Variants in LARP1B observed in about 807,000 individuals in gnomAD.
LARP1B encodes the protein la-related protein 1B.
A neutral mutation model predicts 114.2 loss-of-function variants in LARP1B; 76 were observed. The observed-to-expected ratio is 0.67, with a 90% CI of 0.55 to 0.81. The LOEUF (loss-of-function observed/expected upper bound fraction) is 0.81. Ranked by LOEUF, LARP1B falls within the 30% of genes least tolerant of loss-of-function variation. LARP1B has a pLI of 0.00. For synonymous variants in LARP1B, 345 were observed against 348.0 expected, an observed-to-expected ratio of 0.99 and a Z score of 0.10; for missense variants, 1,014 against 1,075.8, an observed-to-expected ratio of 0.94 and a Z score of 0.80.
chr4:128,084,673 T>A (rs1165898615), intron 5 of LARP1B, among the ~76,000 whole-genome samples: 2 of 152,074 alleles, frequency 1.3e-5, no homozygotes, highest in Non-Finnish European at 2.9e-5. Flanking sequence ...GAATTTATTC[T>A]ATCATTTTCT....
chr4:128,062,305 G>A (rs960668266), intron 1 of LARP1B: 13 of 983,272 alleles, frequency 1.3e-5, no homozygotes, highest in East Asian at 1.1e-4. Flanking sequence ...GCGGTAGCGG[G>A]CACCAGGCCC....
Position 128,082,249 on chromosome 4 carries a change from G to A in LARP1B, c.302G>A (p.Arg101Lys), listed in dbSNP as rs774744346. ...AGACCTGGATCCCGGAACAGCTCAA[G>A]ATGTCAACCTGAAGCAAATAAACCA... The part of the protein sequence containing the change: ...QERPGSRNSS[R>K]CQPEANKPTH... The change falls in exon 5 of 20, where the codon AGA (arginine) becomes AAA (lysine). Residue 101 changes from arginine to lysine, a missense_variant. Transcript: ENST00000326639. The A allele has an allele frequency of 1.9e-6, 3 of 1,613,770 alleles. No homozygotes were observed. The South Asian group carries it at 3.3e-5, about 18-fold the overall frequency.
At chr4:128,083,510 A>T (rs1221960117) in intron 5 of LARP1B, among the ~76,000 whole-genome samples, 1 of 145,360 alleles carries the variant, frequency 6.9e-6, no homozygotes, top group Non-Finnish European at 1.5e-5. Context: ...CTCACTTCCC[A>T]GTAGGGGCGG....
intron 6 of LARP1B, 55 bp downstream of exon 6, chr4:128,091,199 A>G (rs1775796828): frequency 6.3e-7 from 1 of 1,588,056 alleles, no homozygotes; most frequent in Non-Finnish European, 8.6e-7. Flanking sequence ...AAAATAGAGC[A>G]ACTATCCTCT....
In LARP1B at chr4:128,077,826, A is replaced by G; in HGVS notation, c.81A>G (p.Gln27=). 2 of 1,606,774 alleles carry G rather than the reference A, an allele frequency of 1.2e-6. No individual in the cohort carries two copies. The highest frequency in any genetic ancestry group is 1.7e-6 in the Non-Finnish European group (2 of 1,178,168). The change falls in exon 4 of 20, where the codon CAA becomes CAG. Residue 27 remains glutamine, a synonymous_variant. Coordinates refer to ENST00000326639, the MANE Select transcript of LARP1B (RefSeq NM_018078.4). ...SVLSQGNKKP[Q]NRKEKEEKVE... Reference sequence around the variant, plus strand: ...TCAGCCAAGGAAATAAAAAGCCACAAAATAGAAAAGAAAAAGAAGAGAAGG... The same window carrying G: ...TCAGCCAAGGAAATAAAAAGCCACAGAATAGAAAAGAAAAAGAAGAGAAGG...
At chr4:128,086,149 A>G (rs954789227) in intron 5 of LARP1B, among the ~76,000 whole-genome samples, 2 of 151,208 alleles carry the variant, frequency 1.3e-5, no homozygotes, top group African/African-American at 4.9e-5. Flanking sequence ...GACTACAAGC[A>G]CCTGCCAGCA....
chr4:128,117,772 G>A (rs745309578), intron 10 of LARP1B, among the ~76,000 whole-genome samples: 14 of 151,876 alleles, frequency 9.2e-5, no homozygotes, highest in Non-Finnish European at 1.5e-4. Context: ...CGCTGGCCTC[G>A]GCCTCCCAAA....
intron 11 of LARP1B, among the ~76,000 whole-genome samples, chr4:128,141,608 G>C (rs973547050): frequency 1.1e-4 from 16 of 152,100 alleles, no homozygotes; most frequent in African/African-American, 3.6e-4. Context: ...AGTATTATCA[G>C]GTGAACTTAA....
chr4:128,111,281 C>T (rs566910087), intron 9 of LARP1B, among the ~76,000 whole-genome samples: 2 of 152,084 alleles, frequency 1.3e-5, no homozygotes, highest in Non-Finnish European at 2.9e-5. Context: ...CTCCTGACTT[C>T]AGGTGATCAC....
intron 9 of LARP1B, chr4:128,107,700 T>C: frequency 7.0e-7 from 1 of 1,437,268 alleles, no homozygotes; most frequent in Non-Finnish European, 9.1e-7. Context: ...TTAATTTTGT[T>C]ACCAATACGC....
intron 9 of LARP1B, 62 bp downstream of exon 9, chr4:128,107,375 C>T (rs372146861): frequency 2.5e-5 from 40 of 1,570,852 alleles, no homozygotes; most frequent in Non-Finnish European, 3.4e-5. Flanking sequence ...AATTTACTTA[C>T]TTATTTATTT....
chr4:128,110,930 A>G (rs1312243104), intron 9 of LARP1B, among the ~76,000 whole-genome samples: 1 of 152,008 alleles, frequency 6.6e-6, no homozygotes. Flanking sequence ...TATAAGAAGC[A>G]TCTGAGTGTG....
chr4:128,211,749 A>T lies in LARP1B; in HGVS notation c.*1696A>T. On this transcript the variant is annotated 3_prime_UTR_variant, in exon 20 of 20. Coordinates refer to ENST00000326639, the MANE Select transcript of LARP1B (RefSeq NM_018078.4). ...TCTCAGTGTCCTTTTTGTGTTGAAC[A>T]CATATATCTGAAACCTGTATTTAAC... 1.0e-6 allele frequency: 1 copy of T among 958,076 alleles called. No homozygotes were observed. Among genetic ancestry groups the T allele is most frequent in the Non-Finnish European group, 1.2e-6 (1 of 805,082 alleles). The allele number at this position is 958,076 out of a possible 1,614,324, so 59.3% of individuals were successfully genotyped here. A position where few individuals can be genotyped will look rare whatever the true frequency, so the allele number is the denominator to read the frequency against.
intron 11 of LARP1B, among the ~76,000 whole-genome samples, chr4:128,148,049 G>A (rs1437860887): frequency 6.6e-6 from 1 of 152,184 alleles, no homozygotes; most frequent in African/African-American, 2.4e-5. Flanking sequence ...GCCCTTTTAA[G>A]TTGAAAATTG....
rs1361607054 is a variant in LARP1B, at chr4:128,098,765, A to G, written c.813+435A>G. The stretch of plus-strand genomic sequence containing the variant: ...TGTATGTGTATATATATATATATAT[A>G]TATTTTTTTTTTTTTTTTTTTTTTT... On this transcript the variant is annotated intron_variant, in intron 8 of 19. Coordinates refer to ENST00000326639, the MANE Select transcript of LARP1B (RefSeq NM_018078.4). Among the ~76,000 whole-genome samples, 22 of 32,838 alleles carry G rather than the reference A, an allele frequency of 6.7e-4. 2 individuals are homozygous for G. Among genetic ancestry groups the G allele is most frequent in the Middle Eastern group, 0.026 (2 of 78 alleles). 21.5% of individuals were successfully genotyped at this position (32,838 alleles called of 152,430 possible).
At chr4:128,083,946 G>A (rs1464261896) in intron 5 of LARP1B, among the ~76,000 whole-genome samples, 7 of 151,900 alleles carry the variant, frequency 4.6e-5, no homozygotes, top group South Asian at 2.1e-4. Flanking sequence ...CTTCTCAGAC[G>A]GGGCGGTTGC....
chr4:128,081,979 G>A (rs538869566), intron 4 of LARP1B, among the ~76,000 whole-genome samples, 186 bp from the exon 5 acceptor site: 4 of 152,272 alleles, frequency 2.6e-5, no homozygotes, highest in Admixed American at 2.0e-4. Flanking sequence ...CAAGTCATCC[G>A]CCCACCGCGG....
Position 128,162,211 on chromosome 4 carries a change from T to C in LARP1B, c.1542T>C (p.Phe514=), listed in dbSNP as rs762751062. Residue 514 remains phenylalanine, a synonymous_variant, in exon 12 of 20, where the codon TTT becomes TTC. Transcript: ENST00000326639. ...TACTTCAGCAAGAAGTTGAGAACTT[T>C]AAGAAGCTAAATCTCATTAGTAAAG... ...HTAIKQEVEN[F]KKLNLISKEQ... is the part of the protein sequence containing the mutation. 6.2e-7 allele frequency: 1 copy of C among 1,612,322 alleles called. No individual in the cohort carries two copies. Among genetic ancestry groups the C allele is most frequent in the Non-Finnish European group, 8.5e-7 (1 of 1,178,896 alleles).
rs184238165 is a variant in LARP1B at position 128,136,954 on chromosome 4, C to T, written c.1524+14766C>T. 8.6e-4 allele frequency among the ~76,000 whole-genome samples: 131 copies of T among 151,996 alleles called. 1 individual carries two copies. Among genetic ancestry groups the T allele is most frequent in the African/African-American group, 2.9e-3 (119 of 41,456 alleles). ...AGTGAACGTAATAAATTCCCATATT[C>T]CCCAAAACAATGATATGTTTTTAAA... is the stretch of plus-strand genomic sequence containing the variant. On this transcript the variant is annotated intron_variant, in intron 11 of 19. Transcript: ENST00000326639.
Sources: gnomAD v4.1 joint callset for allele counts (sites outside exome capture counted in the v4.1 genomes callset) on GRCh38, gnomAD v4.1.1 for gene constraint, MANE v1.5 for transcripts, NCBI Gene and HGNC (gene_info 2026-07-23, HGNC 2026-07-21) for gene names.